The following CPLX2 variants were observed in gnomAD, a reference collection of about 807,000 sequenced individuals.
CPLX2 encodes complexin-2.
A neutral mutation model predicts 16.3 loss-of-function variants in CPLX2; 5 were observed. The ratio of observed to expected loss-of-function variants is 0.31; its 90% CI spans 0.16 to 0.64. The LOEUF (loss-of-function observed/expected upper bound fraction) is 0.64. Ranked by LOEUF, CPLX2 falls within the 30% of genes least tolerant of loss-of-function variation. CPLX2 has a pLI of 0.79. For missense variants in CPLX2, 144 were observed against 181.4 expected (o/e 0.79, Z 1.18); for synonymous variants, 89 against 73.2 (o/e 1.22, Z -1.10).
At chr5:175,825,936 G>GAAAAAA (rs1758605266) in intron 2 of CPLX2, among the ~76,000 whole-genome samples, 3 of 15,200 alleles carry the variant, frequency 2.0e-4, no homozygotes, top group African/African-American at 7.8e-4. Context: ...ATGAATAAGT[G>GAAAAAA]CAAAAAAAAA....
At chr5:175,821,427 A>G (rs1423879782) in intron 2 of CPLX2, among the ~76,000 whole-genome samples, 1 of 151,544 alleles carries the variant, frequency 6.6e-6, no homozygotes, top group East Asian at 1.9e-4. Flanking sequence ...TTTTTCTTGA[A>G]ATGGAGTTTC....
At chr5:175,869,246 G>A (rs62387106), upstream of CPLX2, among the ~76,000 whole-genome samples, 2,422 of 152,224 alleles carry the variant, frequency 0.016, 28 homozygotes, top group Non-Finnish European at 0.025. Context: ...CTTCCTATTC[G>A]CCAGTGAGAT....
chr5:175,816,707 C>G (rs1758416629), intron 2 of CPLX2, among the ~76,000 whole-genome samples: 2 of 152,182 alleles, frequency 1.3e-5, no homozygotes, highest in Admixed American at 1.3e-4. Flanking sequence ...GTGCTCGAGA[C>G]ACAGAAACTT....
upstream of CPLX2, chr5:175,871,419 GAGAGAGAGAGAGAC>G (rs1561790267): frequency 8.9e-5 from 10 of 112,428 alleles, no homozygotes; most frequent in African/African-American, 2.5e-4. Flanking sequence ...AGGAGAGAGA[GAGAGAGAGAGAGAC>G]AGAGAGAGAG....
chr5:175,805,252 T>C (rs969384122), intron 1 of CPLX2, among the ~76,000 whole-genome samples: 4 of 152,166 alleles, frequency 2.6e-5, no homozygotes, highest in Non-Finnish European at 5.9e-5. Context: ...TGAGTAAGCA[T>C]AAGATATATC....
intron 2 of CPLX2, among the ~76,000 whole-genome samples, chr5:175,814,218 TC>T (rs1050184550): frequency 3.4e-4 from 52 of 152,290 alleles, no homozygotes; most frequent in African/African-American, 1.2e-3. Context: ...CACCACAGCC[TC>T]CGGGGCAGTC....
intron 2 of CPLX2, among the ~76,000 whole-genome samples, chr5:175,825,403 A>AG (rs1758593983): frequency 6.6e-6 from 1 of 150,804 alleles, no homozygotes; most frequent in South Asian, 2.1e-4. Flanking sequence ...ACAAACAAAA[A>AG]GAAAAAAAAA....
chr5:175,796,692 CGGA>C (rs1757982184), exon 1 of CPLX2: 1 of 152,110 alleles, frequency 6.6e-6, no homozygotes, highest in Non-Finnish European at 1.5e-5. Flanking sequence ...AGCGCCTCGG[CGGA>C]GGAGTCAAGG....
At chr5:175,812,111 T>A (rs1581069903) in intron 2 of CPLX2, among the ~76,000 whole-genome samples, 1 of 152,172 alleles carries the variant, frequency 6.6e-6, no homozygotes, top group Non-Finnish European at 1.5e-5. Context: ...GAGTGAGATG[T>A]GATTCTAACT....
intron 2 of CPLX2, among the ~76,000 whole-genome samples, chr5:175,843,346 G>A (rs547897521): frequency 1.5e-4 from 23 of 152,300 alleles, no homozygotes; most frequent in African/African-American, 5.1e-4. Flanking sequence ...GTGGTCTCAC[G>A]CATGCACACA....
At chr5:175,813,459 G>A (rs907778130) in intron 2 of CPLX2, among the ~76,000 whole-genome samples, 1 of 152,220 alleles carries the variant, frequency 6.6e-6, no homozygotes. Flanking sequence ...TTAGCTCCCT[G>A]GGGTGGTTGA....
intron 2 of CPLX2, among the ~76,000 whole-genome samples, chr5:175,815,360 C>T (rs1054303492): frequency 6.6e-6 from 1 of 152,050 alleles, no homozygotes; most frequent in Non-Finnish European, 1.5e-5. Context: ...CAAACCCGCT[C>T]GTCAGCAGGC....
upstream of CPLX2, among the ~76,000 whole-genome samples, chr5:175,867,255 T>C (rs1308610108): frequency 6.6e-6 from 1 of 152,012 alleles, no homozygotes; most frequent in African/African-American, 2.4e-5. Context: ...GACACACTCC[T>C]GGCTGCACAC....
At chr5:175,835,305 C>T (rs975418278) in intron 2 of CPLX2, among the ~76,000 whole-genome samples, 17 of 152,322 alleles carry the variant, frequency 1.1e-4, no homozygotes, top group Non-Finnish European at 2.1e-4. Context: ...GTCAGCAAAA[C>T]AGCTCCCTTT....
chr5:175,840,318 T>C (rs986919495), intron 2 of CPLX2, among the ~76,000 whole-genome samples: 1 of 152,232 alleles, frequency 6.6e-6, no homozygotes, highest in African/African-American at 2.4e-5. Flanking sequence ...AAGCTAGTTA[T>C]AGGTGTTTTA....
chr5:175,834,642 G>A (rs1345892452), intron 2 of CPLX2, among the ~76,000 whole-genome samples: 1 of 152,170 alleles, frequency 6.6e-6, no homozygotes, highest in Non-Finnish European at 1.5e-5. Flanking sequence ...GCAGGCCGAA[G>A]TGGACAGATC....
chr5:175,853,951 C>T (rs961893299), intron 2 of CPLX2, among the ~76,000 whole-genome samples: 11 of 152,188 alleles, frequency 7.2e-5, no homozygotes, highest in Non-Finnish European at 1.5e-5. Context: ...TTCATGGTAC[C>T]TGTTCCTCCA....
At chr5:175,874,102 A>G (rs1419521249) in intron 1 of CPLX2, among the ~76,000 whole-genome samples, 1 of 152,210 alleles carries the variant, frequency 6.6e-6, no homozygotes, top group African/African-American at 2.4e-5. Flanking sequence ...GGCCATGGGG[A>G]GCCATTGCAG....
At position 175,829,755 on chromosome 5, in the gene CPLX2, T is replaced by G. The variant is rs181184037; in HGVS notation, c.-89+20687T>G. On this transcript the variant is annotated intron_variant, in intron 2 of 4. Transcript: ENST00000359546. ...CACAAATGAAGAAACTGAGAGACTT[T>G]AACTTGTGCCCAAGATCACACAGTT... Among the ~76,000 whole-genome samples the G allele has an allele frequency of 7.1e-4, 108 of 152,330 alleles. 1 individual carries two copies. Among genetic ancestry groups the G allele is most frequent in the African/African-American group, 2.4e-3 (100 of 41,562 alleles).
Sources: gnomAD v4.1 joint callset for allele counts (sites outside exome capture counted in the v4.1 genomes callset) on GRCh38, gnomAD v4.1.1 for gene constraint, MANE v1.5 for transcripts, NCBI Gene and HGNC (gene_info 2026-07-23, HGNC 2026-07-21) for gene names.